Variants in ZNF675 observed in about 807,000 individuals in gnomAD.
The protein encoded by ZNF675 is TRAF6 inhibitory zinc finger.
Under a neutral mutation model 56.1 loss-of-function variants are expected in ZNF675, and 36 were observed. That is an observed-to-expected ratio of 0.64 (90% CI 0.49 to 0.85). The LOEUF (loss-of-function observed/expected upper bound fraction) is 0.85, where lower values mean the gene tolerates loss of function less well. Ranked by LOEUF, ZNF675 falls within the 40% of genes least tolerant of loss-of-function variation. The pLI is 0.00. For synonymous variants in ZNF675, 200 were observed against 218.9 expected (o/e 0.91, Z 0.76); for missense variants, 663 against 654.2 (o/e 1.01, Z -0.15).
Position 23,669,939 on chromosome 19 carries a change from C to G in ZNF675, c.4-6781G>C, listed in dbSNP as rs1680859026. On this transcript the variant is annotated intron_variant, in intron 1 of 3. Coordinates refer to ENST00000359788, the MANE Select transcript of ZNF675 (RefSeq NM_138330.3). Reference sequence around the variant, plus strand: ...ATTCTAAAGTTGTGCTGGCACCTATCTAAGGTCAGAGCCATCTGACAGACT... The same window carrying G: ...ATTCTAAAGTTGTGCTGGCACCTATGTAAGGTCAGAGCCATCTGACAGACT... Among the ~76,000 whole-genome samples, 3 of 151,958 alleles carry G rather than the reference C, an allele frequency of 2.0e-5. No homozygotes were observed. The South Asian group carries it at 6.2e-4, about 32-fold the overall frequency.
chr19:23,675,629 A>G (rs563931373), intron 1 of ZNF675, among the ~76,000 whole-genome samples: 1 of 151,922 alleles, frequency 6.6e-6, no homozygotes, highest in East Asian at 1.9e-4. Flanking sequence ...ATTAAGGCAG[A>G]AATCAAGTTC....
chr19:23,675,076 T>C (rs1226026867), intron 1 of ZNF675, among the ~76,000 whole-genome samples: 1 of 151,848 alleles, frequency 6.6e-6, no homozygotes, highest in Non-Finnish European at 1.5e-5. Context: ...ATCTTAATTT[T>C]AGTAGACACT....
chr19:23,685,245 T>C (rs1277198022), intron 1 of ZNF675, among the ~76,000 whole-genome samples: 1 of 152,110 alleles, frequency 6.6e-6, no homozygotes, highest in African/African-American at 2.4e-5. Context: ...ATTACAGGTG[T>C]GCACCACCGT....
At chr19:23,664,235 C>A (rs1200622803) in intron 1 of ZNF675, among the ~76,000 whole-genome samples, 3 of 152,018 alleles carry the variant, frequency 2.0e-5, no homozygotes, top group East Asian at 3.9e-4. Context: ...TCTGAAAATT[C>A]TTTTCACATG....
intron 1 of ZNF675, among the ~76,000 whole-genome samples, chr19:23,683,347 G>A (rs1968401335): frequency 6.6e-6 from 1 of 151,750 alleles, no homozygotes; most frequent in Non-Finnish European, 1.5e-5. Flanking sequence ...GGTGCAAAAA[G>A]AGGAACTATG....
chr19:23,680,096 CAA>C (rs143305432), intron 1 of ZNF675, among the ~76,000 whole-genome samples: 1,702 of 150,958 alleles, frequency 0.011, 91 homozygotes, highest in African/African-American at 0.039. Context: ...ATCACGAGGT[CAA>C]GAGATCGAGA....
chr19:23,685,699 C>T (rs964246881), intron 1 of ZNF675, among the ~76,000 whole-genome samples: 2 of 152,048 alleles, frequency 1.3e-5, no homozygotes, highest in African/African-American at 4.8e-5. Context: ...TCAAAAAATG[C>T]TTAGTTAAAA....
chr19:23,662,977 C>T (rs186671442), intron 2 of ZNF675, 55 bp downstream of exon 2: 60 of 1,426,298 alleles, frequency 4.2e-5, no homozygotes, highest in Non-Finnish European at 5.3e-5. Context: ...AGCCAGACTC[C>T]GTCTCAAAAG....
chr19:23,683,260 A>G (rs2144800951), intron 1 of ZNF675, among the ~76,000 whole-genome samples: 1 of 151,818 alleles, frequency 6.6e-6, no homozygotes, highest in Non-Finnish European at 1.5e-5. Context: ...ACCAAATTTC[A>G]TCTCATAACA....
chr19:23,654,230 T>C lies in ZNF675; in HGVS notation c.703A>G (p.Arg235Gly). Residue 235 changes from arginine (R) to glycine (G), a missense_variant, in exon 4 of 4, where the codon AGA (arginine) becomes GGA (glycine). Physicochemically the swap from Arg to Gly is moderately radical, Grantham distance 125 (BLOSUM62 -2). Coordinates refer to ENST00000359788, the MANE Select transcript of ZNF675 (RefSeq NM_138330.3). ...AGGTTTGAGAATTGGTTAAAAGTTCTGTCACATTCTTGACATTTGTAGAGT... is the reference window on the plus strand; with the variant it reads ...AGGTTTGAGAATTGGTTAAAAGTTCCGTCACATTCTTGACATTTGTAGAGT... ...EKLYKCQECD[R>G]TFNQFSNLTE... The C allele has an allele frequency of 6.2e-7, 1 of 1,614,048 alleles. No homozygotes were observed.
Position 23,654,577 on chromosome 19 carries a change from A to G in ZNF675, c.356T>C (p.Val119Ala), listed in dbSNP as rs1283105139. ...TCCCTTGTGCAACTTACATTCATCC[A>G]CACTTTTACAGCCTTTTAACTGAAA... The part of the protein sequence containing the change: ...DNFQLKGCKS[V>A]DECKLHKGGY... Residue 119 changes from valine to alanine, a missense_variant, in exon 4 of 4, where the codon GTG (valine) becomes GCG (alanine). Coordinates refer to ENST00000359788, the MANE Select transcript of ZNF675 (RefSeq NM_138330.3). The G allele has an allele frequency of 3.1e-6, 5 of 1,612,112 alleles. No individual in the cohort carries two copies. Among genetic ancestry groups the G allele is most frequent in the Non-Finnish European group, 8.5e-7 (1 of 1,179,058 alleles).
intron 1 of ZNF675, among the ~76,000 whole-genome samples, chr19:23,664,060 A>G (rs1470635291): frequency 1.3e-5 from 2 of 152,200 alleles, no homozygotes; most frequent in African/African-American, 2.4e-5. Flanking sequence ...CTTGACTATC[A>G]TAAGAGTTTT....
At chr19:23,671,575 A>G (rs1044282961) in intron 1 of ZNF675, among the ~76,000 whole-genome samples, 1 of 141,894 alleles carries the variant, frequency 7.0e-6, no homozygotes, top group Non-Finnish European at 1.5e-5. Flanking sequence ...CTGTGCCACC[A>G]TGGGGTTGGG....
chr19:23,684,419 C>T (rs1163524581), intron 1 of ZNF675, among the ~76,000 whole-genome samples: 2 of 151,964 alleles, frequency 1.3e-5, no homozygotes, highest in African/African-American at 2.4e-5. Flanking sequence ...CCAAGAGGGG[C>T]GGATCACCTG....
intron 1 of ZNF675, among the ~76,000 whole-genome samples, chr19:23,683,931 A>G (rs911088708): frequency 6.6e-6 from 1 of 152,048 alleles, no homozygotes; most frequent in African/African-American, 2.4e-5. Flanking sequence ...CTTCCCTTTC[A>G]AATGCTACTA....
Position 23,654,252 on chromosome 19 carries a change from G to C in ZNF675, c.681C>G (p.Leu227=), listed in dbSNP as rs531803624. 8 of 1,613,628 alleles carry C rather than the reference G, an allele frequency of 5.0e-6. No individual in the cohort carries two copies. The South Asian group carries it at 6.6e-5, about 13-fold the overall frequency. Reference sequence around the variant, plus strand: ...TTCTGTCACATTCTTGACATTTGTAGAGTTTCTCACAAGTATAAATTCTTT... The same window carrying C: ...TTCTGTCACATTCTTGACATTTGTACAGTTTCTCACAAGTATAAATTCTTT... The part of the protein sequence containing the change: ...KHKRIYTCEK[L]YKCQECDRTF... Residue 227 remains leucine, a synonymous_variant, in exon 4 of 4, where the codon CTC becomes CTG. Coordinates refer to ENST00000359788, the MANE Select transcript of ZNF675 (RefSeq NM_138330.3).
In ZNF675 at chr19:23,663,111, T is replaced by G; in HGVS notation, c.51A>C (p.Glu17Asp). ...RDVAIEFSLE[E>D]WQCLDTAQRN... ...GCTGTGCAGTGTCCAGGCATTGCCA[T>G]TCTTCCAGAGAGAATTCTATGGCCA... is the stretch of plus-strand genomic sequence containing the variant. The change falls in exon 2 of 4, where the codon GAA becomes GAC. Residue 17 changes from glutamate to aspartate, a missense_variant. Coordinates refer to ENST00000359788, the MANE Select transcript of ZNF675 (RefSeq NM_138330.3). The G allele has an allele frequency of 6.2e-7, 1 of 1,606,770 alleles. No homozygotes were observed. The highest frequency in any genetic ancestry group is 2.2e-5 in the East Asian group (1 of 44,498).
intron 1 of ZNF675, among the ~76,000 whole-genome samples, chr19:23,670,794 T>C (rs1244039960): frequency 6.6e-6 from 1 of 152,198 alleles, no homozygotes; most frequent in Non-Finnish European, 1.5e-5. Flanking sequence ...TTTCAAACTT[T>C]GATCTCTCAT....
intron 1 of ZNF675, 54 bp downstream of exon 1, chr19:23,686,977 C>G: frequency 6.2e-7 from 1 of 1,611,438 alleles, no homozygotes; most frequent in Non-Finnish European, 8.5e-7. Flanking sequence ...CCATTTCCCA[C>G]GGGTTCCAAC....
Sources: gnomAD v4.1 joint callset for allele counts (sites outside exome capture counted in the v4.1 genomes callset) on GRCh38, gnomAD v4.1.1 for gene constraint, MANE v1.5 for transcripts, NCBI Gene and HGNC (gene_info 2026-07-23, HGNC 2026-07-21) for gene names.